The following PARD3 variants were observed in gnomAD, a reference collection of about 807,000 sequenced individuals.
PARD3 encodes the protein partitioning defective 3 homolog.
A neutral mutation model predicts 155.4 loss-of-function variants in PARD3; 75 were observed. The ratio of observed to expected loss-of-function variants is 0.48; its 90% confidence interval spans 0.40 to 0.58. PARD3 has a LOEUF of 0.58. Among genes scored for constraint, PARD3 ranks in the 20% least tolerant of loss-of-function variants. PARD3 has a pLI of 0.00. For missense variants in PARD3, 1,642 were observed against 1,721.7 expected (o/e 0.95, Z 0.82); for synonymous variants, 576 against 610.5 (o/e 0.94, Z 0.83).
intron 2 of PARD3, among the ~76,000 whole-genome samples, chr10:34,607,645 T>C (rs959217010): frequency 1.3e-5 from 2 of 152,188 alleles, no homozygotes; most frequent in African/African-American, 4.8e-5. Flanking sequence ...GGTAAGTCCA[T>C]CCTTTGGCAC....
chr10:34,383,126 C>T (rs1842018616), intron 8 of PARD3, among the ~76,000 whole-genome samples: 1 of 152,130 alleles, frequency 6.6e-6, no homozygotes, highest in Non-Finnish European at 1.5e-5. Context: ...ATTTCTCATT[C>T]TCTCAATAAA....
intron 2 of PARD3, among the ~76,000 whole-genome samples, chr10:34,600,475 T>C (rs2089668836): frequency 6.6e-6 from 1 of 151,146 alleles, no homozygotes. Context: ...TAATATCCAG[T>C]GTTAGGGAGG....
chr10:34,796,911 G>T (rs959483152), intron 1 of PARD3, among the ~76,000 whole-genome samples: 2 of 152,360 alleles, frequency 1.3e-5, no homozygotes, highest in East Asian at 3.9e-4. Flanking sequence ...CTTGAACCCA[G>T]GAGACGGAGG....
chr10:34,662,073 C>T (rs2093339972), intron 2 of PARD3, among the ~76,000 whole-genome samples: 1 of 152,194 alleles, frequency 6.6e-6, no homozygotes, highest in Non-Finnish European at 1.5e-5. Flanking sequence ...CTTAAGACAA[C>T]TGCTCGGCTG....
chr10:34,180,189 A>C (rs946850064), intron 22 of PARD3, among the ~76,000 whole-genome samples: 3 of 152,148 alleles, frequency 2.0e-5, no homozygotes, highest in Admixed American at 2.0e-4. Flanking sequence ...CTGGGATTAC[A>C]GGCACCCGCC....
intron 20 of PARD3, among the ~76,000 whole-genome samples, chr10:34,314,564 C>T (rs1002987710): frequency 2.0e-5 from 3 of 152,118 alleles, no homozygotes; most frequent in Admixed American, 2.0e-4. Context: ...TTATGTTCAC[C>T]GTGGGGTGCT....
At chr10:34,581,846 G>A (rs917849608) in intron 2 of PARD3, among the ~76,000 whole-genome samples, 2 of 152,138 alleles carry the variant, frequency 1.3e-5, no homozygotes, top group South Asian at 2.1e-4. Flanking sequence ...TCACAATAAC[G>A]ATATTATGGG....
chr10:34,386,648 C>A (rs948275793), intron 7 of PARD3, among the ~76,000 whole-genome samples: 1 of 151,860 alleles, frequency 6.6e-6, no homozygotes, highest in South Asian at 2.1e-4. Flanking sequence ...TATGGAGAAA[C>A]CCCCTCTCTA....
At chr10:34,736,192 C>T (rs143219263) in intron 1 of PARD3, among the ~76,000 whole-genome samples, 5,777 of 151,932 alleles carry the variant, frequency 0.038, 366 homozygotes, top group African/African-American at 0.13. Flanking sequence ...CCACCACACC[C>T]GCTAATTTTT....
chr10:34,207,649 A>G (rs1239111295), intron 22 of PARD3, among the ~76,000 whole-genome samples: 1 of 152,158 alleles, frequency 6.6e-6, no homozygotes, highest in Non-Finnish European at 1.5e-5. Flanking sequence ...CCAAGATGAT[A>G]TTTTCACCCT....
chr10:34,404,505 T>C (rs1253814995), intron 5 of PARD3, among the ~76,000 whole-genome samples: 1 of 152,128 alleles, frequency 6.6e-6, no homozygotes, highest in African/African-American at 2.4e-5. Context: ...CGCCTCTATT[T>C]TTTTCTTAAA....
At chr10:34,319,097 T>A (rs11009734) in intron 19 of PARD3, among the ~76,000 whole-genome samples, 1 of 141,968 alleles carries the variant, frequency 7.0e-6, no homozygotes, top group African/African-American at 2.7e-5. Flanking sequence ...TTTTTTTTTT[T>A]TCTTCTTCTT....
intron 3 of PARD3, among the ~76,000 whole-genome samples, chr10:34,485,414 T>C (rs113598666): frequency 0.011 from 1,674 of 152,116 alleles, 31 homozygotes; most frequent in African/African-American, 0.038. Context: ...CTGAGAACAA[T>C]TGCCCAAGGT....
At chr10:34,300,181 C>T (rs1357541786) in intron 20 of PARD3, among the ~76,000 whole-genome samples, 1 of 152,092 alleles carries the variant, frequency 6.6e-6, no homozygotes. Flanking sequence ...AAGATATCCA[C>T]AAATCATAGT....
chr10:34,358,821 C>A (rs1267927610), intron 14 of PARD3, among the ~76,000 whole-genome samples: 1 of 152,198 alleles, frequency 6.6e-6, no homozygotes, highest in Non-Finnish European at 1.5e-5. Flanking sequence ...TATAACTCTG[C>A]CAACTAGAAG....
intron 22 of PARD3, among the ~76,000 whole-genome samples, chr10:34,208,567 T>C (rs139478491): frequency 6.6e-6 from 1 of 152,316 alleles, no homozygotes; most frequent in East Asian, 1.9e-4. Flanking sequence ...AGTTGATTTC[T>C]TGTGAAATCA....
intron 2 of PARD3, among the ~76,000 whole-genome samples, chr10:34,684,880 C>CAT (rs955187168): frequency 1.2e-5 from 1 of 83,172 alleles, no homozygotes; most frequent in African/African-American, 6.5e-5. Flanking sequence ...CACACACATA[C>CAT]ACACACACAC....
intron 20 of PARD3, chr10:34,312,470 A>C: frequency 7.8e-7 from 1 of 1,285,388 alleles, no homozygotes. Context: ...CAAATGCCTA[A>C]GATGTATAAT....
intron 22 of PARD3, among the ~76,000 whole-genome samples, chr10:34,145,091 T>C (rs1037396761): frequency 2.6e-5 from 4 of 151,044 alleles, no homozygotes; most frequent in African/African-American, 9.7e-5. Flanking sequence ...TACCCTTCAA[T>C]ATTTGAATGT....
Sources: gnomAD v4.1 joint callset for allele counts (sites outside exome capture counted in the v4.1 genomes callset) on GRCh38, gnomAD v4.1.1 for gene constraint, MANE v1.5 for transcripts, NCBI Gene and HGNC (gene_info 2026-07-23, HGNC 2026-07-21) for gene names.